The following EFCAB5 variants were observed in gnomAD, a reference collection of about 807,000 sequenced individuals.
The protein encoded by EFCAB5 is EF-hand calcium binding domain 5, also known as EF-hand calcium-binding domain-containing protein 5.
A neutral mutation model predicts 167.9 loss-of-function variants in EFCAB5; 131 were observed. The ratio of observed to expected loss-of-function variants is 0.78; its 90% confidence interval spans 0.68 to 0.90. The LOEUF (loss-of-function observed/expected upper bound fraction) is 0.90, where lower values mean the gene tolerates loss of function less well. Among genes scored for constraint, EFCAB5 ranks in the 40% least tolerant of loss-of-function variants. The probability of loss-of-function intolerance (pLI) is 0.00; values close to 1 mark genes in which losing one functional copy is unlikely to be tolerated. For synonymous variants in EFCAB5, 574 were observed against 602.8 expected (o/e 0.95, Z 0.70); for missense variants, 1,663 against 1,745.2 (o/e 0.95, Z 0.84).
At chr17:30,041,367 A>T (rs1013045655) in intron 8 of EFCAB5, among the ~76,000 whole-genome samples, 1 of 152,242 alleles carries the variant, frequency 6.6e-6, no homozygotes, top group East Asian at 1.9e-4. Context: ...TTCAGTAGAC[A>T]AAATAGCTGC....
At chr17:29,941,534 A>C, upstream of EFCAB5, 2 of 291,678 alleles carry the variant, frequency 6.9e-6, no homozygotes, top group Non-Finnish European at 1.3e-5. Flanking sequence ...AATGATTACT[A>C]TGGTGAGTTT....
chr17:30,057,691 T>C lies in EFCAB5; in HGVS notation c.2381T>C (p.Ile794Thr). 1 of 1,612,482 alleles carries C rather than the reference T, an allele frequency of 6.2e-7. No homozygotes were observed. The highest frequency in any genetic ancestry group is 1.3e-5 in the African/African-American group (1 of 74,992). The change falls in exon 13 of 23, where the codon ATC (isoleucine) becomes ACC (threonine). Residue 794 changes from isoleucine (I) to threonine (T), a missense_variant. Transcript: ENST00000394835. ...NSRFTDLHSI[I>T]RNIQSCKEVK... is the part of the protein sequence containing the mutation. ...TGCTTGACAGATTTACACTCAATTA[T>C]CAGAAATATTCAGTCTTGCAAGGAG...
chr17:30,028,261 C>CTCTTT (rs1432932660), intron 7 of EFCAB5, among the ~76,000 whole-genome samples: 3 of 152,180 alleles, frequency 2.0e-5, no homozygotes, highest in Non-Finnish European at 4.4e-5. Context: ...AAGGCTTCGT[C>CTCTTT]AACTGTACCC....
chr17:30,009,374 T>G (rs1433914530), intron 7 of EFCAB5, among the ~76,000 whole-genome samples: 1 of 149,106 alleles, frequency 6.7e-6, no homozygotes, highest in Non-Finnish European at 1.5e-5. Context: ...TCATACCCAT[T>G]AGCAGTCACT....
At chr17:30,041,995 A>G (rs924572677) in intron 8 of EFCAB5, among the ~76,000 whole-genome samples, 1 of 152,140 alleles carries the variant, frequency 6.6e-6, no homozygotes, top group African/African-American at 2.4e-5. Context: ...AATAGACTAC[A>G]GTATAGTATA....
intron 7 of EFCAB5, among the ~76,000 whole-genome samples, chr17:30,004,532 T>C (rs1260131496): frequency 6.6e-6 from 1 of 152,180 alleles, no homozygotes; most frequent in Admixed American, 6.5e-5. Flanking sequence ...TAGTCTGGTC[T>C]GTTGGGCCTG....
chr17:29,930,469 G>T (rs1017097532), intron 1 of EFCAB5, among the ~76,000 whole-genome samples: 1 of 152,146 alleles, frequency 6.6e-6, no homozygotes, highest in Non-Finnish European at 1.5e-5. Context: ...GTCCCAGGGC[G>T]GGGGGCCGCT....
intron 7 of EFCAB5, among the ~76,000 whole-genome samples, chr17:30,004,133 A>T (rs1457892147): frequency 6.6e-6 from 1 of 152,222 alleles, no homozygotes; most frequent in Non-Finnish European, 1.5e-5. Flanking sequence ...TAAGGCGTGA[A>T]TTATTGGTGG....
chr17:30,107,543 T>C (rs1057074199), intron 22 of EFCAB5, among the ~76,000 whole-genome samples: 5 of 152,240 alleles, frequency 3.3e-5, no homozygotes, highest in African/African-American at 1.2e-4. Flanking sequence ...GCCGTTTAAT[T>C]GTGCCCAAAA....
rs2071476556 is a variant in EFCAB5, at chr17:30,108,363, G to A, written c.*339G>A. Reference sequence around the variant, plus strand: ...TTATAAGGTTCAAAGTAACAGCTGAGGATTTAGAAAACAAGAATACCAAAT... The same window carrying A: ...TTATAAGGTTCAAAGTAACAGCTGAAGATTTAGAAAACAAGAATACCAAAT... On this transcript the variant is annotated 3_prime_UTR_variant, in exon 23 of 23. Transcript: ENST00000394835. 2 of 163,314 alleles carry A rather than the reference G, an allele frequency of 1.2e-5. No individual in the cohort carries two copies. Among genetic ancestry groups the A allele is most frequent in the South Asian group, 1.7e-4 (1 of 5,826 alleles). The allele number at this position is 163,314 out of a possible 1,614,324, so 10.1% of individuals were successfully genotyped here. A position where few individuals can be genotyped will look rare whatever the true frequency, so the allele number is the denominator to read the frequency against.
intron 14 of EFCAB5, chr17:30,069,655 C>A (rs2070678103): frequency 1.3e-6 from 2 of 1,555,666 alleles, no homozygotes; most frequent in Non-Finnish European, 1.8e-6. Flanking sequence ...GGGGGCCCAG[C>A]ACGAGAGTCT....
At chr17:29,987,759 G>C (rs893118459) in intron 4 of EFCAB5, among the ~76,000 whole-genome samples, 2 of 152,164 alleles carry the variant, frequency 1.3e-5, no homozygotes, top group African/African-American at 4.8e-5. Context: ...ACTAGAGCTT[G>C]TCTAGTATAT....
chr17:30,014,937 T>A (rs4344802), intron 7 of EFCAB5, among the ~76,000 whole-genome samples: 1 of 151,766 alleles, frequency 6.6e-6, no homozygotes, highest in Non-Finnish European at 1.5e-5. Context: ...TGGCTGGTAC[T>A]GGTTGTTCCT....
At chr17:29,979,650 T>C (rs1172053582) in intron 4 of EFCAB5, among the ~76,000 whole-genome samples, 1 of 152,170 alleles carries the variant, frequency 6.6e-6, no homozygotes, top group Non-Finnish European at 1.5e-5. Flanking sequence ...ACCACTTTTG[T>C]CACAGTTGGT....
chr17:30,019,242 A>G (rs1264507269), intron 7 of EFCAB5, among the ~76,000 whole-genome samples: 1 of 151,784 alleles, frequency 6.6e-6, no homozygotes, highest in Admixed American at 6.6e-5. Context: ...ATTTATAATG[A>G]ACATTCTGAT....
chr17:29,997,921 A>G (rs1316512442), intron 6 of EFCAB5, among the ~76,000 whole-genome samples: 2 of 151,216 alleles, frequency 1.3e-5, no homozygotes, highest in Non-Finnish European at 2.9e-5. Context: ...AGATTTCCCT[A>G]TATGAAATTA....
In EFCAB5 at chr17:30,080,760, G is replaced by C; in HGVS notation, c.3205G>C (p.Val1069Leu). ...YRDMKGISFTVVDEGKPIHVP... is the reference protein window; with the variant it reads ...YRDMKGISFTLVDEGKPIHVP... ...CATACTCTTTTTCCTCAGCTTTACA[G>C]TAGTGGATGAAGGGAAGCCAATCCA... is the stretch of plus-strand genomic sequence containing the variant. Residue 1069 changes from valine (V) to leucine (L), a missense_variant, in exon 17 of 23, where the codon GTA (valine) becomes CTA (leucine). Coordinates refer to ENST00000394835, the MANE Select transcript of EFCAB5 (RefSeq NM_198529.4). 2 of 1,600,526 alleles carry C rather than the reference G, an allele frequency of 1.2e-6. No individual in the cohort carries two copies. The highest frequency in any genetic ancestry group is 1.7e-5 in the Admixed American group (1 of 57,692).
At chr17:29,963,117 T>G (rs1383079132) in intron 3 of EFCAB5, among the ~76,000 whole-genome samples, 1 of 151,902 alleles carries the variant, frequency 6.6e-6, no homozygotes, top group African/African-American at 2.4e-5. Context: ...AATTCTTAAA[T>G]TTTTTGTAGA....
At chr17:29,940,114 T>C (rs1489693312), upstream of EFCAB5, among the ~76,000 whole-genome samples, 1 of 151,664 alleles carries the variant, frequency 6.6e-6, no homozygotes, top group East Asian at 1.9e-4. Flanking sequence ...TTTCGCTCAT[T>C]GCCGAGGCTG....
Sources: allele counts gnomAD v4.1 joint callset (sites outside exome capture counted in the v4.1 genomes callset), GRCh38; gene constraint gnomAD v4.1.1; transcripts MANE v1.5; gene names NCBI Gene and HGNC (gene_info 2026-07-23, HGNC 2026-07-21).